The following IPO9 variants were observed in gnomAD, a reference collection of about 807,000 sequenced individuals.
IPO9 encodes the protein importin-9.
Under a neutral mutation model 128.6 loss-of-function variants are expected in IPO9, and 28 were observed. That is an observed-to-expected ratio of 0.22 (90% confidence interval 0.16 to 0.30). The LOEUF is 0.30. Among genes scored for constraint, IPO9 ranks in the 10% least tolerant of loss-of-function variants. The pLI is 1.00. For missense variants in IPO9, 935 were observed against 1,293.9 expected (o/e 0.72, Z 4.26); for synonymous variants, 455 against 475.8 (o/e 0.96, Z 0.57).
At chr1:201,860,013 A>C (rs1680413273) in intron 13 of IPO9, among the ~76,000 whole-genome samples, 1 of 151,628 alleles carries the variant, frequency 6.6e-6, no homozygotes, top group African/African-American at 2.4e-5. Context: ...CGCAATACAG[A>C]GCAGTAGCTG....
chr1:201,862,909 A>G (rs897225273), intron 13 of IPO9, among the ~76,000 whole-genome samples: 1 of 152,280 alleles, frequency 6.6e-6, no homozygotes, highest in Non-Finnish European at 1.5e-5. Context: ...ATAATATTCA[A>G]GATCTACTTT....
intron 8 of IPO9, 88 bp from the exon 9 acceptor site, chr1:201,855,036 C>T: frequency 7.7e-7 from 1 of 1,299,762 alleles, no homozygotes; most frequent in Non-Finnish European, 1.1e-6. Flanking sequence ...TTTAAGGTGT[C>T]TACTTTTAGT....
At chr1:201,835,478 GAT>G (rs1679905994) in intron 1 of IPO9, among the ~76,000 whole-genome samples, 1 of 152,202 alleles carries the variant, frequency 6.6e-6, no homozygotes, top group Admixed American at 6.5e-5. Flanking sequence ...TGCCATTTTG[GAT>G]AGGAATAAAG....
intron 19 of IPO9, among the ~76,000 whole-genome samples, chr1:201,871,754 C>G (rs1325852125): frequency 6.6e-6 from 1 of 152,126 alleles, no homozygotes; most frequent in Non-Finnish European, 1.5e-5. Context: ...AAATGGCTCT[C>G]TGTATTCCCT....
At chr1:201,839,889 G>A (rs1241950501) in intron 1 of IPO9, among the ~76,000 whole-genome samples, 1 of 152,030 alleles carries the variant, frequency 6.6e-6, no homozygotes, top group Non-Finnish European at 1.5e-5. Flanking sequence ...CAAACTGGGA[G>A]GAATTTTTTT....
intron 5 of IPO9, 23 bp from the exon 6 acceptor site, chr1:201,852,988 T>C (rs1351967989): frequency 6.2e-7 from 1 of 1,604,172 alleles, no homozygotes; most frequent in Admixed American, 1.7e-5. Context: ...GGCTATGCTG[T>C]TATGCTGTAA....
chr1:201,863,502 C>T lies in IPO9; in HGVS notation c.1523C>T (p.Ala508Val). ...ALWAASRFTV[A>V]MSPELIQQFL... ...TGGGCTGCCAGTCGGTTCACTGTTG[C>T]TATGTCCCCTGAACTGATCCAGCAG... is the stretch of plus-strand genomic sequence containing the variant. Residue 508 changes from alanine (A) to valine (V), a missense_variant, in exon 14 of 24, where the codon GCT (alanine) becomes GTT (valine). Coordinates refer to ENST00000361565, the MANE Select transcript of IPO9 (RefSeq NM_018085.5). 6.2e-7 allele frequency: 1 copy of T among 1,600,536 alleles called. No individual in the cohort carries two copies. Among genetic ancestry groups the T allele is most frequent in the Non-Finnish European group, 8.6e-7 (1 of 1,169,238 alleles).
intron 10 of IPO9, 119 bp downstream of exon 10, chr1:201,856,053 C>A: frequency 3.9e-6 from 3 of 764,538 alleles, no homozygotes; most frequent in Non-Finnish European, 3.9e-6. Flanking sequence ...AGAATAATTT[C>A]ATGTGAAGTT....
At chr1:201,839,366 A>G (rs564961994) in intron 1 of IPO9, among the ~76,000 whole-genome samples, 131 of 149,950 alleles carry the variant, frequency 8.7e-4, no homozygotes, top group Non-Finnish European at 1.4e-3. Flanking sequence ...TCAGTCACGC[A>G]CCACCACGCC....
At position 201,872,835 on chromosome 1, in the gene IPO9, G is replaced by A; in HGVS notation, c.2584G>A (p.Ala862Thr). ...TTGGATCTTCCTTGCCAGCTCTGTG[G>A]CACTCTGTAAGCTGCTCCAGCATGG... ...GQYEGKVSSV[A>T]LCKLLQHGIN... Residue 862 changes from alanine (A) to threonine (T), a missense_variant, in exon 20 of 24, where the codon GCA (alanine) becomes ACA (threonine). By Grantham distance (58) the Ala-to-Thr change is moderately conservative. Around this residue, in one of 3 missense-constraint regions of IPO9, gnomAD observed 188 missense variants for 246.7 expected, o/e 0.76. Coordinates refer to ENST00000361565, the MANE Select transcript of IPO9 (RefSeq NM_018085.5). 6.2e-7 allele frequency: 1 copy of A among 1,611,392 alleles called. No individual in the cohort carries two copies. Among genetic ancestry groups the A allele is most frequent in the Non-Finnish European group, 8.5e-7 (1 of 1,178,918 alleles).
intron 5 of IPO9, among the ~76,000 whole-genome samples, chr1:201,852,547 A>G (rs756876764): frequency 2.6e-5 from 4 of 152,176 alleles, no homozygotes; most frequent in East Asian, 1.9e-4. Context: ...CTATCACTGC[A>G]TTGCACATAA....
chr1:201,852,260 G>T, intron 5 of IPO9, 68 bp downstream of exon 5: 1 of 983,158 alleles, frequency 1.0e-6, no homozygotes, highest in South Asian at 1.4e-5. Context: ...TTTCAGGTGG[G>T]AGATTATGGT....
At chr1:201,829,756 T>C (rs1204761904) in intron 1 of IPO9, among the ~76,000 whole-genome samples, 1 of 152,146 alleles carries the variant, frequency 6.6e-6, no homozygotes, top group Non-Finnish European at 1.5e-5. Flanking sequence ...AGCTGGATTG[T>C]ACTGGGATAA....
chr1:201,869,040 C>T (rs949910319), intron 16 of IPO9, among the ~76,000 whole-genome samples: 15 of 152,096 alleles, frequency 9.9e-5, no homozygotes, highest in Non-Finnish European at 1.9e-4. Flanking sequence ...ATCACAAGGT[C>T]AGGAGTTCGA....
chr1:201,874,805 C>A, intron 21 of IPO9, 27 bp from the exon 22 acceptor site: 1 of 1,475,454 alleles, frequency 6.8e-7, no homozygotes, highest in Non-Finnish European at 9.5e-7. Flanking sequence ...TGTGCTCTAG[C>A]TCTAGCTGCT....
chr1:201,874,430 G>A (rs1462051079), intron 21 of IPO9, 58 bp downstream of exon 21: 4 of 1,556,406 alleles, frequency 2.6e-6, no homozygotes, highest in Non-Finnish European at 2.6e-6. Context: ...GTTACAAATT[G>A]TCAAATTATC....
rs1367287070 is a variant in IPO9 at position 201,874,752 on chromosome 1, TC to T, written c.2834-79del. 12 of 985,510 alleles carry T rather than the reference TC, an allele frequency of 1.2e-5. No individual in the cohort carries two copies. In the East Asian group the frequency reaches 2.9e-4, roughly 24 times the overall value. 61.0% of individuals were successfully genotyped at this position (985,510 alleles called of 1,614,324 possible). A position where few individuals can be genotyped will look rare whatever the true frequency, so the allele number is the denominator to read the frequency against. ...ACATTGCAGAAGCCTTTGGGGCCCT[TC>T]TATTCTGGCCTATTTGGATTTGGGG... On this transcript the variant is annotated intron_variant, in intron 21 of 23. Transcript: ENST00000361565.
intron 1 of IPO9, among the ~76,000 whole-genome samples, chr1:201,833,086 A>G (rs1402647101): frequency 1.3e-5 from 2 of 152,224 alleles, no homozygotes; most frequent in Admixed American, 1.3e-4. Context: ...GCCTATAATT[A>G]ATTATCACAT....
chr1:201,841,264 C>A (rs1680030974), intron 1 of IPO9, among the ~76,000 whole-genome samples: 1 of 152,068 alleles, frequency 6.6e-6, no homozygotes, highest in Non-Finnish European at 1.5e-5. Flanking sequence ...AACTATACAC[C>A]AAAATTGTAG....
Sources: gnomAD v4.1 joint callset for allele counts (sites outside exome capture counted in the v4.1 genomes callset) on GRCh38, gnomAD v4.1.1 for gene constraint, gnomAD v4.1.1 regional missense constraint, MANE v1.5 for transcripts, NCBI Gene and HGNC (gene_info 2026-07-23, HGNC 2026-07-21) for gene names.